KCNH3: variants seen among roughly 807,000 people sequenced by gnomAD.
KCNH3 encodes voltage-gated inwardly rectifying potassium channel KCNH3.
Under a neutral mutation model 95.6 loss-of-function variants are expected in KCNH3, and 36 were observed. That is an observed-to-expected ratio of 0.38 (90% CI 0.29 to 0.50). The LOEUF is 0.50. KCNH3 is among the 20% of genes least tolerant of loss of function. The probability of loss-of-function intolerance (pLI) is 0.95; values close to 1 mark genes in which losing one functional copy is unlikely to be tolerated. For missense variants in KCNH3, 1,030 were observed against 1,484.1 expected (o/e 0.69, Z 5.03); for synonymous variants, 620 against 646.3 (o/e 0.96, Z 0.62).
Position 49,550,345 on chromosome 12 carries a change from A to G in KCNH3, c.1918+16A>G, listed in dbSNP as rs372539556. The G allele has an allele frequency of 1.8e-5, 29 of 1,590,274 alleles. No individual in the cohort carries two copies. The African/African-American group carries it at 3.2e-4, about 18-fold the overall frequency. On this transcript the variant is annotated intron_variant, in intron 10 of 14. Coordinates refer to ENST00000257981, the MANE Select transcript of KCNH3 (RefSeq NM_012284.3). ...GCCATCCTAGGTTTGTGAGGGTGGGAGAGAGGGCGTGGGGGCACGTGTGTG... is the reference window on the plus strand; with the variant it reads ...GCCATCCTAGGTTTGTGAGGGTGGGGGAGAGGGCGTGGGGGCACGTGTGTG...
In KCNH3 at chr12:49,544,318, C is replaced by T. The variant is rs768314600; in HGVS notation, c.1125C>T (p.Ala375=). 6.2e-6 allele frequency: 10 copies of T among 1,613,532 alleles called. No individual in the cohort carries two copies. The highest frequency in any genetic ancestry group is 8.5e-6 in the Non-Finnish European group (10 of 1,180,028). The part of the protein sequence containing the change: ...AVFALLAHWV[A]CVWFYIGQRE... ...TCGCCCTGCTCGCGCACTGGGTCGC[C>T]TGCGTCTGGTTTTACATTGGCCAGC... The change falls in exon 7 of 15, where the codon GCC becomes GCT. Residue 375 remains alanine (A), a synonymous_variant. Coordinates refer to ENST00000257981, the MANE Select transcript of KCNH3 (RefSeq NM_012284.3).
rs1937813734 is a variant in KCNH3 at position 49,539,924 on chromosome 12, G to A, written c.76+432G>A. Among the ~76,000 whole-genome samples, 1 of 152,172 alleles carries A rather than the reference G, an allele frequency of 6.6e-6. No individual in the cohort carries two copies. Among genetic ancestry groups the A allele is most frequent in the Admixed American group, 6.5e-5 (1 of 15,280 alleles). On this transcript the variant is annotated intron_variant, in intron 1 of 14. Coordinates refer to ENST00000257981, the MANE Select transcript of KCNH3 (RefSeq NM_012284.3). This position sits in a 1 kb window ranked among gnomAD's most constrained non-coding sequence, Gnocchi z 6.7. ...TTTAGAAAAGAGATTTGCAAACGGAGATAAGAGTAGGCGGCACTCGGGAGA... is the reference window on the plus strand; with the variant it reads ...TTTAGAAAAGAGATTTGCAAACGGAAATAAGAGTAGGCGGCACTCGGGAGA...
At position 49,543,916 on chromosome 12, in the gene KCNH3, C is replaced by T. The variant is rs538981376; in HGVS notation, c.825C>T (p.Asp275=). 160 of 1,607,020 alleles carry T rather than the reference C, an allele frequency of 1.0e-4. 3 individuals are homozygous for T. The South Asian group carries it at 1.6e-3, about 16-fold the overall frequency. ...GACTCCCACCCGGATTCCCCACAGA[C>T]ATTGTGCTGAATTTCCGTACCACAT... ...DLAVEVLFIL[D]IVLNFRTTFV... Residue 275 remains aspartate, a splice_region_variant and synonymous_variant, in exon 6 of 15, where the codon GAC becomes GAT. Coordinates refer to ENST00000257981, the MANE Select transcript of KCNH3 (RefSeq NM_012284.3).
chr12:49,550,443 A>G (rs1235875196), intron 10 of KCNH3, 114 bp downstream of exon 10: 9 of 1,353,650 alleles, frequency 6.6e-6, no homozygotes, highest in Non-Finnish European at 8.0e-6. Context: ...AGAAACAGCC[A>G]GGGTGGAGTC....
intron 3 of KCNH3, 37 bp from the exon 4 acceptor site, chr12:49,542,669 A>G: frequency 6.5e-7 from 1 of 1,542,954 alleles, no homozygotes; most frequent in Non-Finnish European, 8.7e-7. Flanking sequence ...GTGTGGGCAC[A>G]CACCCATCAT....
chr12:49,550,043 T>TAGCCC, intron 9 of KCNH3, 37 bp from the exon 10 acceptor site: 1 of 1,299,542 alleles, frequency 7.7e-7, no homozygotes, highest in Admixed American at 1.8e-5. Flanking sequence ...CTTCTGCCAC[T>TAGCCC]CCCAACCCCC....
intron 7 of KCNH3, among the ~76,000 whole-genome samples, chr12:49,548,548 T>C (rs1314648723): frequency 6.6e-6 from 1 of 152,004 alleles, no homozygotes; most frequent in East Asian, 1.9e-4. Context: ...TCACCATCCA[T>C]CTTTTGGGGT....
Position 49,541,734 on chromosome 12 carries a change from C to T in KCNH3, c.415C>T (p.Arg139Ter), listed in dbSNP as rs1937876446. The part of the protein sequence containing the change: ...SHKDISETKN[R>*]GGPDRWKETG... ...CAAGGACATCAGCGAAACCAAGAACCGAGGGGGCCCCGACAGATGGAAGGA... is the reference window on the plus strand; with the variant it reads ...CAAGGACATCAGCGAAACCAAGAACTGAGGGGGCCCCGACAGATGGAAGGA... The change falls in exon 3 of 15, where the codon CGA (arginine) becomes TGA (stop). Residue 139 changes from arginine to a stop codon, truncating the protein, a stop_gained. Coordinates refer to ENST00000257981, the MANE Select transcript of KCNH3 (RefSeq NM_012284.3). LOFTEE classifies it high-confidence loss of function. The T allele has an allele frequency of 3.1e-6, 5 of 1,614,028 alleles. No homozygotes were observed. The highest frequency in any genetic ancestry group is 1.1e-5 in the South Asian group (1 of 91,082).
chr12:49,549,499 C>A lies in KCNH3; in HGVS notation c.1527C>A (p.Ala509=), dbSNP rs1938185540. ...CGGCCATCATCCAGCGCATGTACGCCCGCCGCTTTCTGTACCACAGCCGCA... is the reference window on the plus strand; with the variant it reads ...CGGCCATCATCCAGCGCATGTACGCACGCCGCTTTCTGTACCACAGCCGCA... ...NVTAIIQRMY[A]RRFLYHSRTR... Residue 509 remains alanine, a synonymous_variant, in exon 9 of 15, where the codon GCC becomes GCA. Transcript: ENST00000257981. The A allele has an allele frequency of 1.2e-6, 2 of 1,613,700 alleles. No individual in the cohort carries two copies.
At chr12:49,550,559 C>T (rs1174512405) in intron 10 of KCNH3, among the ~76,000 whole-genome samples, 2 of 152,130 alleles carry the variant, frequency 1.3e-5, no homozygotes, top group East Asian at 1.9e-4. Context: ...TGGGGCCGAG[C>T]GAGTGGAGGG....
rs760931106 is a variant in KCNH3, at chr12:49,558,061, G to A, written c.*108G>A. 2.7e-5 allele frequency: 34 copies of A among 1,274,942 alleles called. No individual in the cohort carries two copies. The highest frequency in any genetic ancestry group is 7.2e-5 in the South Asian group (3 of 41,818). The allele number at this position is 1,274,942 out of a possible 1,614,324, so 79.0% of individuals were successfully genotyped here. On this transcript the variant is annotated 3_prime_UTR_variant, in exon 15 of 15. Transcript: ENST00000257981. ...CCTCCCCACGGACTCCATGCGGCCC[G>A]CTGGCTCAGGGCAGGGAGCCTGGAA... is the stretch of plus-strand genomic sequence containing the variant.
Position 49,541,691 on chromosome 12 carries a change from T to C in KCNH3, c.372T>C (p.Ala124=). The C allele has an allele frequency of 1.2e-6, 2 of 1,614,144 alleles. No individual in the cohort carries two copies. Among genetic ancestry groups the C allele is most frequent in the Non-Finnish European group, 1.7e-6 (2 of 1,180,010 alleles). The change falls in exon 3 of 15, where the codon GCT becomes GCC. Residue 124 remains alanine (A), a synonymous_variant. Transcript: ENST00000257981. ...IPIKNEKGEV[A]LFLVSHKDIS... ...TAAAGAATGAGAAAGGGGAGGTGGCTCTCTTCCTAGTCTCTCACAAGGACA... is the reference window on the plus strand; with the variant it reads ...TAAAGAATGAGAAAGGGGAGGTGGCCCTCTTCCTAGTCTCTCACAAGGACA...
In KCNH3 at chr12:49,555,703, G is replaced by A. The variant is rs766905663; in HGVS notation, c.2220G>A (p.Thr740=). ...EKETDGEQGP[T]VSPAPADEPS... is the part of the protein sequence containing the mutation. ...AGACAGATGGGGAGCAGGGCCCCAC[G>A]GTCTCCCCAGCCCCAGCTGATGAGC... Residue 740 remains threonine, a synonymous_variant, in exon 12 of 15, where the codon ACG becomes ACA. Transcript: ENST00000257981. The A allele has an allele frequency of 8.7e-6, 14 of 1,610,904 alleles. No homozygotes were observed. The East Asian group carries it at 1.3e-4, about 15-fold the overall frequency.
intron 4 of KCNH3, 138 bp downstream of exon 4, chr12:49,542,977 G>T: frequency 8.4e-7 from 1 of 1,194,376 alleles, no homozygotes; most frequent in Non-Finnish European, 1.1e-6. Context: ...GGGACTGAAG[G>T]AGGGAAGATC....
Position 49,543,354 on chromosome 12 carries a change from G to T in KCNH3, c.659G>T (p.Cys220Phe). 1 of 1,613,586 alleles carries T rather than the reference G, an allele frequency of 6.2e-7. No individual in the cohort carries two copies. Among genetic ancestry groups the T allele is most frequent in the Non-Finnish European group, 8.5e-7 (1 of 1,180,020 alleles). Residue 220 changes from cysteine (C) to phenylalanine (F), a missense_variant, in exon 5 of 15, where the codon TGT becomes TTT. Cys to Phe is a radical substitution (Grantham distance 205). Coordinates refer to ENST00000257981, the MANE Select transcript of KCNH3 (RefSeq NM_012284.3). ...AAGTCGCCCTTCATCCTGTTGCACT[G>T]TGGGGCACTGAGAGCCACCTGGGAT... ...IRKSPFILLH[C>F]GALRATWDGF...
In KCNH3 at chr12:49,543,449, C is replaced by T. The variant is rs141408790; in HGVS notation, c.754C>T (p.Arg252Trp). The change falls in exon 5 of 15, where the codon CGG becomes TGG. Residue 252 changes from arginine (R) to tryptophan (W), a missense_variant. Arg to Trp is a moderately radical substitution (Grantham distance 101). Around this residue, in one of 9 missense-constraint regions of KCNH3, gnomAD observed 153 missense variants for 288.5 expected, o/e 0.53. Transcript: ENST00000257981. The part of the protein sequence containing the change: ...VPYSVCVSTA[R>W]EPSAARGPPS... ...CTACAGCGTGTGTGTGAGCACAGCA[C>T]GGGAGCCCAGTGCCGCCCGCGGCCC... The T allele has an allele frequency of 2.5e-5, 40 of 1,604,954 alleles. No individual in the cohort carries two copies. The highest frequency in any genetic ancestry group is 5.0e-5 in the Admixed American group (3 of 60,004).
At chr12:49,550,043 T>TTGCCACC in intron 9 of KCNH3, 37 bp from the exon 10 acceptor site, 1 of 1,299,542 alleles carries the variant, frequency 7.7e-7, no homozygotes, top group Non-Finnish European at 1.1e-6. Flanking sequence ...CTTCTGCCAC[T>TTGCCACC]CCCAACCCCC....
intron 7 of KCNH3, chr12:49,546,244 C>T (rs1377256833): frequency 6.6e-6 from 1 of 152,314 alleles, no homozygotes; most frequent in South Asian, 2.1e-4. Flanking sequence ...TATATTCTTT[C>T]ACCCTTGACC....
intron 2 of KCNH3, 109 bp from the exon 3 acceptor site, chr12:49,541,521 C>T: frequency 2.3e-6 from 3 of 1,328,534 alleles, no homozygotes; most frequent in Non-Finnish European, 3.1e-6. Context: ...CCCCAGGAAA[C>T]CGCTAGATCC....
Sources: allele counts gnomAD v4.1 joint callset (sites outside exome capture counted in the v4.1 genomes callset), GRCh38; gene constraint gnomAD v4.1.1; regional missense constraint gnomAD v4.1.1; non-coding constraint Gnocchi (gnomAD v3.1); transcripts MANE v1.5; gene names NCBI Gene and HGNC (gene_info 2026-07-23, HGNC 2026-07-21).